Variants in ARID3A observed in about 807,000 individuals in gnomAD.
ARID3A encodes the protein AT-rich interactive domain-containing protein 3A.
ARID3A carries 11 observed loss-of-function variants against 52.7 expected under a neutral mutation model. That is an observed-to-expected ratio of 0.21 (90% CI 0.13 to 0.35). ARID3A has a LOEUF of 0.35. Ranked by LOEUF, ARID3A falls within the 10% of genes least tolerant of loss-of-function variation. The pLI is 1.00. For missense variants in ARID3A, 721 were observed against 838.5 expected (o/e 0.86, Z 1.73); for synonymous variants, 404 against 359.4 (o/e 1.12, Z -1.40).
intron 3 of ARID3A, among the ~76,000 whole-genome samples, chr19:935,137 C>T (rs1008412601): frequency 1.3e-5 from 2 of 152,222 alleles, no homozygotes; most frequent in East Asian, 1.9e-4. Flanking sequence ...GGCCGCTTGG[C>T]ACCGTCTCTG....
chr19:933,313 C>T (rs1017367262), intron 3 of ARID3A, among the ~76,000 whole-genome samples: 1 of 152,132 alleles, frequency 6.6e-6, no homozygotes, highest in Non-Finnish European at 1.5e-5. Context: ...TCTCAGGGAC[C>T]CCAGGCTGAA....
intron 1 of ARID3A, chr19:928,409 C>G (rs1037943777): frequency 1.3e-5 from 2 of 152,122 alleles, no homozygotes; most frequent in Non-Finnish European, 2.9e-5. Context: ...GCACTCTAGG[C>G]TGGGTGAGTG....
At chr19:958,842 G>A (rs2037980521) in intron 3 of ARID3A, among the ~76,000 whole-genome samples, 2 of 151,658 alleles carry the variant, frequency 1.3e-5, no homozygotes, top group Non-Finnish European at 2.9e-5. Flanking sequence ...GCGGTGAGCC[G>A]AGATTGCACC....
intron 3 of ARID3A, among the ~76,000 whole-genome samples, chr19:949,676 C>CT (rs71335322): frequency 0.82 from 101,670 of 123,760 alleles, 42,313 homozygotes; most frequent in Middle Eastern, 0.92. Context: ...CTGATTCTGT[C>CT]TTTTTTTTTT....
At position 929,637 on chromosome 19, in the gene ARID3A, G is replaced by A. The variant is rs3746142; in HGVS notation, c.109G>A (p.Gly37Ser). ...LPPDPPAAPP[G>S]RARAAPDEDR... is the part of the protein sequence containing the mutation. ...CCCCGATCCCCCTGCTGCACCCCCC[G>A]GCCGGGCCCGGGCTGCCCCCGACGA... Residue 37 changes from glycine (G) to serine (S), a missense_variant, in exon 2 of 9, where the codon GGC becomes AGC. Around this residue, in one of 5 missense-constraint regions of ARID3A, gnomAD observed 349 missense variants for 297.3 expected, o/e 1.17. Transcript: ENST00000263620. This position sits in a 1 kb window ranked among gnomAD's most constrained non-coding sequence, Gnocchi z 6.2. 3.3e-4 allele frequency: 510 copies of A among 1,528,940 alleles called. 6 individuals carry two copies. The East Asian group carries it at 0.011, about 33-fold the overall frequency. The allele number at this position is 1,528,940 out of a possible 1,614,324, so 94.7% of individuals were successfully genotyped here.
intron 3 of ARID3A, among the ~76,000 whole-genome samples, chr19:948,988 A>T (rs1465849978): frequency 6.6e-6 from 1 of 151,760 alleles, no homozygotes; most frequent in East Asian, 1.9e-4. Context: ...GGATTATGGG[A>T]TTACAGGCAT....
chr19:934,714 G>A (rs1025311285), intron 3 of ARID3A, among the ~76,000 whole-genome samples: 1 of 152,128 alleles, frequency 6.6e-6, no homozygotes. Flanking sequence ...CCGAGAAGAT[G>A]AGGGCCTAGG....
rs2038114939 is a variant in ARID3A, at chr19:964,918, C to T, written c.1036C>T (p.Arg346Ter). The change falls in exon 6 of 9, where the codon CGA becomes TGA. Residue 346 changes from arginine to a stop codon, truncating the protein, a stop_gained. Coordinates refer to ENST00000263620, the MANE Select transcript of ARID3A (RefSeq NM_005224.3). LOFTEE classifies it high-confidence loss of function. The surrounding 1 kb of genome is among the most constrained non-coding windows in gnomAD (Gnocchi z 5.7). The stretch of plus-strand genomic sequence containing the variant: ...GCTCCAGGCAGCCATAGACAGCAAC[C>T]GACGGGAGGGCCGGCGCCAGAGCTT... Reference protein sequence around the residue: ...NELQAAIDSNRREGRRQSFGG... With the variant: ...NELQAAIDSN The T allele has an allele frequency of 1.2e-6, 2 of 1,613,846 alleles. No homozygotes were observed. The highest frequency in any genetic ancestry group is 1.7e-5 in the Admixed American group (1 of 59,990).
In ARID3A at chr19:964,827, C is replaced by T; in HGVS notation, c.951-6C>T. ...GTGCCATCCTCTTCCCTCGTCCCAC[C>T]CACAGATACATGAAGTACCTGTACC... On this transcript the variant is annotated splice_region_variant and splice_polypyrimidine_tract_variant and intron_variant, in intron 5 of 8. Transcript: ENST00000263620. This position sits in a 1 kb window ranked among gnomAD's most constrained non-coding sequence, Gnocchi z 5.7. The T allele has an allele frequency of 6.2e-7, 1 of 1,610,288 alleles. No homozygotes were observed. Among genetic ancestry groups the T allele is most frequent in the Non-Finnish European group, 8.5e-7 (1 of 1,176,986 alleles).
At position 971,949 on chromosome 19, in the gene ARID3A, G is replaced by GGCAGCAGCA. The variant is rs552779877; in HGVS notation, c.1670_1678dup (p.Ser557_Ser559dup). 1 of 1,579,556 alleles carries GGCAGCAGCA rather than the reference G, an allele frequency of 6.3e-7. No homozygotes were observed. Among genetic ancestry groups the GGCAGCAGCA allele is most frequent in the African/African-American group, 1.4e-5 (1 of 71,936 alleles). On this transcript the variant is annotated inframe_insertion, in exon 9 of 9. Coordinates refer to ENST00000263620, the MANE Select transcript of ARID3A (RefSeq NM_005224.3). ...CAACAAAGGAGGCGGCGGCGGCGGC[G>GGCAGCAGCA]GCAGCAGCAGCAACGCAGGCGGCCG...
chr19:955,685 T>C (rs2037902164), intron 3 of ARID3A, among the ~76,000 whole-genome samples: 1 of 151,952 alleles, frequency 6.6e-6, no homozygotes, highest in African/African-American at 2.4e-5. Context: ...GCGGTGAGGT[T>C]TCTTGTAGGG....
rs1411698597 is a variant in ARID3A at position 973,166 on chromosome 19, G to A, written c.*1101G>A. On this transcript the variant is annotated 3_prime_UTR_variant, in exon 9 of 9. Transcript: ENST00000263620. The stretch of plus-strand genomic sequence containing the variant: ...TCTTGTCGCCCAGGCTGGAGTGAGT[G>A]CAATGGTGCGATCTTGGCTCACTGC... The A allele has an allele frequency of 1.4e-5, 2 of 141,530 alleles. No homozygotes were observed. The highest frequency in any genetic ancestry group is 9.4e-5 in the Admixed American group (1 of 10,678). 8.8% of individuals were successfully genotyped at this position (141,530 alleles called of 1,614,324 possible). A position where few individuals can be genotyped will look rare whatever the true frequency, so the allele number is the denominator to read the frequency against.
At chr19:953,479 C>A (rs540268184) in intron 3 of ARID3A, among the ~76,000 whole-genome samples, 12 of 150,218 alleles carry the variant, frequency 8.0e-5, no homozygotes, top group African/African-American at 2.0e-4. Context: ...TCCCACACCC[C>A]CCCCCGTGCA....
Position 938,228 on chromosome 19 carries a change from TCTCC to T in ARID3A, c.693+5490_693+5493del, listed in dbSNP as rs1252837966. On this transcript the variant is annotated intron_variant, in intron 3 of 8. Transcript: ENST00000263620. The surrounding 1 kb of genome is among the most constrained non-coding windows in gnomAD (Gnocchi z 4.0). ...CTGATTTTCATTCAGTGTCAGGATC[TCTCC>T]CTCTGCTTTCCAAAGTAAAGCTTGC... 6.6e-6 allele frequency among the ~76,000 whole-genome samples: 1 copy of T among 152,190 alleles called. No homozygotes were observed. The highest frequency in any genetic ancestry group is 1.9e-4 in the East Asian group (1 of 5,202).
chr19:945,682 CCCTT>C (rs1390075505), intron 3 of ARID3A, among the ~76,000 whole-genome samples: 3 of 152,134 alleles, frequency 2.0e-5, no homozygotes, highest in Non-Finnish European at 4.4e-5. Flanking sequence ...TGGAAGCAGC[CCCTT>C]CCTTCCTGCA....
At chr19:945,836 A>C (rs1203294517) in intron 3 of ARID3A, among the ~76,000 whole-genome samples, 2 of 152,026 alleles carry the variant, frequency 1.3e-5, no homozygotes, top group Non-Finnish European at 2.9e-5. Flanking sequence ...TGTTCAGAGA[A>C]CCTGGGCTGG....
At position 947,166 on chromosome 19, in the gene ARID3A, C is replaced by G. The variant is rs2037703654; in HGVS notation, c.694-12926C>G. 6.6e-6 allele frequency among the ~76,000 whole-genome samples: 1 copy of G among 152,082 alleles called. No individual in the cohort carries two copies. ...CTGGGCACCGTGGGGTGGGGTGTGT[C>G]TGTGTGTGGCCTGGGGCACCCCCTG... is the stretch of plus-strand genomic sequence containing the variant. On this transcript the variant is annotated intron_variant, in intron 3 of 8. Coordinates refer to ENST00000263620, the MANE Select transcript of ARID3A (RefSeq NM_005224.3). This position sits in a 1 kb window ranked among gnomAD's most constrained non-coding sequence, Gnocchi z 6.3.
At chr19:945,278 T>A (rs1339726300) in intron 3 of ARID3A, among the ~76,000 whole-genome samples, 3 of 152,216 alleles carry the variant, frequency 2.0e-5, no homozygotes, top group African/African-American at 7.2e-5. Flanking sequence ...ACGGGGATGG[T>A]ATCAGAAGGA....
chr19:934,743 G>A (rs1373425961), intron 3 of ARID3A, among the ~76,000 whole-genome samples: 1 of 152,120 alleles, frequency 6.6e-6, no homozygotes, highest in Non-Finnish European at 1.5e-5. Context: ...TGGGCAGCGG[G>A]GGTGGGGGGA....
Sources: gnomAD v4.1 joint callset for allele counts (sites outside exome capture counted in the v4.1 genomes callset) on GRCh38, gnomAD v4.1.1 for gene constraint, gnomAD v4.1.1 regional missense constraint, Gnocchi (gnomAD v3.1) non-coding constraint, MANE v1.5 for transcripts, NCBI Gene and HGNC (gene_info 2026-07-23, HGNC 2026-07-21) for gene names.